ASPM: variants seen among roughly 807,000 people sequenced by gnomAD.
ASPM encodes assembly factor for spindle microtubules, also known as abnormal spindle-like microcephaly-associated protein.
Under a neutral mutation model 366.4 loss-of-function variants are expected in ASPM, and 256 were observed. The observed-to-expected ratio is 0.70, with a 90% CI of 0.63 to 0.77. The LOEUF (loss-of-function observed/expected upper bound fraction) is 0.77. Ranked by LOEUF, ASPM falls within the 30% of genes least tolerant of loss-of-function variation. The pLI is 0.00. For missense variants in ASPM, 4,146 were observed against 4,090.4 expected (o/e 1.01, Z -0.37); for synonymous variants, 1,414 against 1,342.9 (o/e 1.05, Z -1.16).
rs1658624744 is a variant in ASPM at position 197,142,606 on chromosome 1, T to C, written c.1646A>G (p.Asp549Gly). ...ACTCTTAGATTTACTTAATATTGGA[T>C]CTATAATTGGAAGATAAGAATGAAA... ...EDFHSYLPIIDPILSKSKSYK... is the reference protein window; with the variant it reads ...EDFHSYLPIIGPILSKSKSYK... Residue 549 changes from aspartate (D) to glycine (G), a missense_variant, in exon 3 of 28, where the codon GAT becomes GGT. Around this residue, in one of 3 missense-constraint regions of ASPM, gnomAD observed 3,624 missense variants for 3,591.7 expected, o/e 1.01. Transcript: ENST00000367409. 1.2e-6 allele frequency: 2 copies of C among 1,612,876 alleles called. No individual in the cohort carries two copies. Among genetic ancestry groups the C allele is most frequent in the Non-Finnish European group, 1.7e-6 (2 of 1,179,050 alleles).
At position 197,143,438 on chromosome 1, in the gene ASPM, T is replaced by C; in HGVS notation, c.814A>G (p.Asn272Asp). 3 of 1,614,050 alleles carry C rather than the reference T, an allele frequency of 1.9e-6. No homozygotes were observed. Among genetic ancestry groups the C allele is most frequent in the Non-Finnish European group, 2.5e-6 (3 of 1,179,904 alleles). ...GAAGTTTCAGTTACAGCTTTCTCAT[T>C]AAAAGAAACTTTTGAAACGTTGGCA... ...HSANVSKVSF[N>D]EKAVTETSFN... Residue 272 changes from asparagine (N) to aspartate (D), a missense_variant, in exon 3 of 28, where the codon AAT (asparagine) becomes GAT (aspartate). This residue lies in a region of ASPM where 512 missense variants were observed against 471.7 expected (regional missense o/e 1.09). Coordinates refer to ENST00000367409, the MANE Select transcript of ASPM (RefSeq NM_018136.5).
chr1:197,104,350 G>C lies in ASPM; in HGVS notation c.4901C>G (p.Ser1634Cys), dbSNP rs1657329055. 7 of 1,613,066 alleles carry C rather than the reference G, an allele frequency of 4.3e-6. No homozygotes were observed. The East Asian group carries it at 1.3e-4, about 31-fold the overall frequency. Residue 1634 changes from serine (S) to cysteine (C), a missense_variant, in exon 18 of 28, where the codon TCT becomes TGT. Ser to Cys is a moderately radical substitution (Grantham distance 112). This residue lies in a region of ASPM where 3,624 missense variants were observed against 3,591.7 expected (regional missense o/e 1.01). Transcript: ENST00000367409. ...KVLASYQKTR[S>C]AVIVLQSAYR... ...TGCAGACTGCAGCACAATGACAGCA[G>C]AGCGTGTTTTCTGGTAAGATGCTAG...
Position 197,084,211 on chromosome 1 carries a change from T to A in ASPM, c.*113A>T, listed in dbSNP as rs1488065404. 6.6e-6 allele frequency: 5 copies of A among 759,868 alleles called. No homozygotes were observed. In the African/African-American group the frequency reaches 7.0e-5, roughly 11 times the overall value. The allele number at this position is 759,868 out of a possible 1,614,324, so 47.1% of individuals were successfully genotyped here. ...ATGTAATGAACAGTTTATGTTTTTT[T>A]AAAACAAAGTCAGATTTTAAAAGTT... On this transcript the variant is annotated 3_prime_UTR_variant, in exon 28 of 28. Coordinates refer to ENST00000367409, the MANE Select transcript of ASPM (RefSeq NM_018136.5).
chr1:197,134,977 G>A (rs745697337), intron 5 of ASPM, 119 bp downstream of exon 5: 2 of 848,146 alleles, frequency 2.4e-6, no homozygotes, highest in Non-Finnish European at 3.7e-6. Context: ...TTAGGCTAAT[G>A]AACAGGGAAT....
rs749580322 is a variant in ASPM, at chr1:197,104,153, G to A, written c.5098C>T (p.His1700Tyr). 5.0e-6 allele frequency: 8 copies of A among 1,612,664 alleles called. No homozygotes were observed. Among genetic ancestry groups the A allele is most frequent in the Non-Finnish European group, 6.8e-6 (8 of 1,179,358 alleles). Residue 1700 changes from histidine to tyrosine, a missense_variant, in exon 18 of 28, where the codon CAT becomes TAT. By Grantham distance (83) the His-to-Tyr change is moderately conservative (BLOSUM62 2). Around this residue, in one of 3 missense-constraint regions of ASPM, gnomAD observed 3,624 missense variants for 3,591.7 expected, o/e 1.01. Coordinates refer to ENST00000367409, the MANE Select transcript of ASPM (RefSeq NM_018136.5). Reference protein sequence around the residue: ...KMKQTRKQYLHLRAAALFIQQ... With the variant: ...KMKQTRKQYLYLRAAALFIQQ... ...ATAAATAGTGCAGCTGCTCTTAAAT[G>A]CAAATATTGTTTACGTGTTTGTTTC...
chr1:197,091,430 CA>C (rs1215905441), intron 22 of ASPM, among the ~76,000 whole-genome samples: 4 of 150,998 alleles, frequency 2.6e-5, no homozygotes, highest in African/African-American at 9.7e-5. Context: ...TAAATCATAA[CA>C]AAAAAGAACA....
At position 197,146,622 on chromosome 1, in the gene ASPM, A is replaced by C; in HGVS notation, c.-185T>G. On this transcript the variant is annotated 5_prime_UTR_variant, in exon 1 of 28. Transcript: ENST00000367409. ...AGAAAACAGAAAACAAGCCCAATAAACTCGCAAATTAAAAAGAGGAGCCAA... is the reference window on the plus strand; with the variant it reads ...AGAAAACAGAAAACAAGCCCAATAACCTCGCAAATTAAAAAGAGGAGCCAA... 4.6e-6 allele frequency: 3 copies of C among 651,398 alleles called. No individual in the cohort carries two copies. The highest frequency in any genetic ancestry group is 2.6e-6 in the Non-Finnish European group (1 of 382,006). The allele number at this position is 651,398 out of a possible 1,614,324, so 40.4% of individuals were successfully genotyped here. A position where few individuals can be genotyped will look rare whatever the true frequency, so the allele number is the denominator to read the frequency against.
intron 17 of ASPM, among the ~76,000 whole-genome samples, chr1:197,106,454 T>A (rs553226586): frequency 6.6e-6 from 1 of 152,186 alleles, no homozygotes; most frequent in African/African-American, 2.4e-5. Context: ...AGATATTATT[T>A]TTCTTTTGAG....
intron 10 of ASPM, among the ~76,000 whole-genome samples, chr1:197,127,872 A>G (rs1362221354): frequency 1.3e-5 from 2 of 152,172 alleles, no homozygotes; most frequent in African/African-American, 4.8e-5. Flanking sequence ...TGTCAATAAA[A>G]AGTGTCATTT....
Position 197,094,091 on chromosome 1 carries a change from A to G in ASPM, c.9077T>C (p.Met3026Thr). 1.3e-6 allele frequency: 2 copies of G among 1,574,182 alleles called. No homozygotes were observed. The highest frequency in any genetic ancestry group is 1.7e-6 in the Non-Finnish European group (2 of 1,149,458). ...PAKIAHEHFL[M>T]IKRHRAACLI... Reference sequence around the variant, plus strand: ...TTAATTTTTAATACCTACTTTTATCATTAAGAAGTGTTCATGAGCTATCTT... The same window carrying G: ...TTAATTTTTAATACCTACTTTTATCGTTAAGAAGTGTTCATGAGCTATCTT... Residue 3026 changes from methionine to threonine, a missense_variant, in exon 20 of 28, where the codon ATG (methionine) becomes ACG (threonine). Around this residue, in one of 3 missense-constraint regions of ASPM, gnomAD observed 3,624 missense variants for 3,591.7 expected, o/e 1.01. Transcript: ENST00000367409.
chr1:197,134,762 A>G (rs1378689045), intron 5 of ASPM, among the ~76,000 whole-genome samples: 1 of 152,252 alleles, frequency 6.6e-6, no homozygotes, highest in Non-Finnish European at 1.5e-5. Context: ...TAGTTTCCTC[A>G]TAATCCTATA....
chr1:197,085,415 T>A (rs1656556758), intron 27 of ASPM, among the ~76,000 whole-genome samples: 1 of 152,140 alleles, frequency 6.6e-6, no homozygotes, highest in Non-Finnish European at 1.5e-5. Flanking sequence ...GAGAAAATAG[T>A]ATCAAACCGA....
At chr1:197,137,531 G>A (rs1344408336) in intron 4 of ASPM, among the ~76,000 whole-genome samples, 1 of 152,106 alleles carries the variant, frequency 6.6e-6, no homozygotes, top group East Asian at 1.9e-4. Flanking sequence ...ACTCATGCTG[G>A]AGTGCAGTGG....
Position 197,146,627 on chromosome 1 carries a change from C to A in ASPM, c.-190G>T. The A allele has an allele frequency of 1.5e-6, 1 of 648,320 alleles. No individual in the cohort carries two copies. The highest frequency in any genetic ancestry group is 2.6e-6 in the Non-Finnish European group (1 of 379,686). The allele number at this position is 648,320 out of a possible 1,614,324, so 40.2% of individuals were successfully genotyped here. A position where few individuals can be genotyped will look rare whatever the true frequency, so the allele number is the denominator to read the frequency against. On this transcript the variant is annotated 5_prime_UTR_variant, in exon 1 of 28. Coordinates refer to ENST00000367409, the MANE Select transcript of ASPM (RefSeq NM_018136.5). Reference sequence around the variant, plus strand: ...ACAGAAAACAAGCCCAATAAACTCGCAAATTAAAAAGAGGAGCCAAACAAG... The same window carrying A: ...ACAGAAAACAAGCCCAATAAACTCGAAAATTAAAAAGAGGAGCCAAACAAG...
chr1:197,134,973 T>C, intron 5 of ASPM, 123 bp downstream of exon 5: 1 of 813,352 alleles, frequency 1.2e-6, no homozygotes, highest in Admixed American at 2.5e-5. Flanking sequence ...GCATTTAGGC[T>C]AATGAACAGG....
In ASPM at chr1:197,102,713, C is replaced by G. The variant is rs746646120; in HGVS notation, c.6538G>C (p.Val2180Leu). ...TTTCTAAGAGTCCGTCTAACTCTTA[C>G]TCCTCTAAAACTTGCCTGAAGGACT... ...VKVLQASFRG[V>L]RVRRTLRKMQ... The change falls in exon 18 of 28, where the codon GTA (valine) becomes CTA (leucine). Residue 2180 changes from valine (V) to leucine (L), a missense_variant. Coordinates refer to ENST00000367409, the MANE Select transcript of ASPM (RefSeq NM_018136.5). 3 of 1,612,566 alleles carry G rather than the reference C, an allele frequency of 1.9e-6. No individual in the cohort carries two copies. In the African/African-American group the frequency reaches 4.0e-5, roughly 22 times the overall value.
rs773581419 is a variant in ASPM, at chr1:197,094,196, T to C, written c.8988-16A>G. On this transcript the variant is annotated splice_polypyrimidine_tract_variant and intron_variant, in intron 19 of 27. Transcript: ENST00000367409. Reference sequence around the variant, plus strand: ...ATTCAAAAACCTAAAAAGTAGTTATTGGAAAGCAATGTCAAATTACTTTAA... The same window carrying C: ...ATTCAAAAACCTAAAAAGTAGTTATCGGAAAGCAATGTCAAATTACTTTAA... The C allele has an allele frequency of 6.7e-7, 1 of 1,490,984 alleles. No individual in the cohort carries two copies. The highest frequency in any genetic ancestry group is 1.7e-5 in the Admixed American group (1 of 58,650). 92.4% of individuals were successfully genotyped at this position (1,490,984 alleles called of 1,614,324 possible).
chr1:197,117,724 T>C, intron 17 of ASPM, 65 bp downstream of exon 17: 3 of 1,338,924 alleles, frequency 2.2e-6, no homozygotes, highest in Non-Finnish European at 3.1e-6. Context: ...CATCACATTT[T>C]GCCTTCTTAC....
intron 10 of ASPM, among the ~76,000 whole-genome samples, chr1:197,126,183 G>A (rs554680287): frequency 2.6e-4 from 39 of 152,240 alleles, no homozygotes; most frequent in African/African-American, 8.4e-4. Context: ...GCTCACGCCT[G>A]TAATCCCAAC....
Sources: allele counts gnomAD v4.1 joint callset (sites outside exome capture counted in the v4.1 genomes callset), GRCh38; gene constraint gnomAD v4.1.1; regional missense constraint gnomAD v4.1.1; transcripts MANE v1.5; gene names NCBI Gene and HGNC (gene_info 2026-07-23, HGNC 2026-07-21).